The following CHCHD3 variants were observed in gnomAD, a reference collection of about 807,000 sequenced individuals.
The protein encoded by CHCHD3 is coiled-coil-helix-coiled-coil-helix domain containing 3, also known as MICOS complex subunit MIC19.
In CHCHD3, 20 loss-of-function variants were observed where a neutral mutation model predicts 38.2. The observed-to-expected ratio is 0.52, with a 90% CI of 0.37 to 0.76. The LOEUF is 0.76. Among genes scored for constraint, CHCHD3 ranks in the 30% least tolerant of loss-of-function variants. CHCHD3 has a pLI of 0.00. For synonymous variants in CHCHD3, 82 were observed against 100.0 expected (o/e 0.82, Z 1.07); for missense variants, 245 against 279.2 (o/e 0.88, Z 0.87).
chr7:132,815,475 C>T (rs750215421), intron 6 of CHCHD3: 1 of 443,954 alleles, frequency 2.3e-6, no homozygotes, highest in South Asian at 1.6e-5. Flanking sequence ...CTCTGATTAC[C>T]TTTTAGGTCC....
chr7:132,878,140 C>T (rs1808960779), intron 5 of CHCHD3, among the ~76,000 whole-genome samples: 2 of 152,132 alleles, frequency 1.3e-5, no homozygotes, highest in South Asian at 2.1e-4. Flanking sequence ...GCATTAATCC[C>T]TTGAAAAGGT....
intron 5 of CHCHD3, among the ~76,000 whole-genome samples, chr7:132,872,910 C>T (rs6956192): frequency 0.22 from 34,101 of 151,686 alleles, 4,004 homozygotes; most frequent in South Asian, 0.26. Context: ...CGACATCAGC[C>T]GGGCAGACAT....
chr7:132,904,955 G>A (rs1420600952), intron 4 of CHCHD3, among the ~76,000 whole-genome samples: 3 of 152,130 alleles, frequency 2.0e-5, no homozygotes, highest in East Asian at 1.9e-4. Flanking sequence ...CATGGATGAA[G>A]CTGGAAACCA....
intron 2 of CHCHD3, among the ~76,000 whole-genome samples, chr7:133,052,259 A>T (rs1158819829): frequency 6.6e-6 from 1 of 152,146 alleles, no homozygotes; most frequent in Admixed American, 6.5e-5. Context: ...CTCCCTGAAA[A>T]ATGACCCGAC....
intron 4 of CHCHD3, among the ~76,000 whole-genome samples, chr7:132,914,118 C>A (rs1810038048): frequency 1.6e-5 from 2 of 124,494 alleles, no homozygotes; most frequent in African/African-American, 6.9e-5. Context: ...CACCACCATG[C>A]CTGGCGTGTG....
At chr7:132,995,844 A>C (rs1185969453) in intron 3 of CHCHD3, among the ~76,000 whole-genome samples, 1 of 152,194 alleles carries the variant, frequency 6.6e-6, no homozygotes, top group Non-Finnish European at 1.5e-5. Context: ...ACTATGCATA[A>C]TATTCCACTA....
Position 132,798,399 on chromosome 7 carries a change from C to T in CHCHD3, c.525-1822G>A, listed in dbSNP as rs141136903. On this transcript the variant is annotated intron_variant, in intron 6 of 7. Coordinates refer to ENST00000262570, the MANE Select transcript of CHCHD3 (RefSeq NM_017812.4). The stretch of plus-strand genomic sequence containing the variant: ...CACAGATTTCCCTAATCCTTTACCA[C>T]GAACATCAGGATTTAAAAGGAATCA... 9.6e-4 allele frequency among the ~76,000 whole-genome samples: 146 copies of T among 152,180 alleles called. 2 individuals are homozygous for T. The highest frequency in any genetic ancestry group is 3.4e-3 in the Middle Eastern group (1 of 294).
At chr7:132,827,292 T>G (rs1807531308) in intron 6 of CHCHD3, among the ~76,000 whole-genome samples, 1 of 152,218 alleles carries the variant, frequency 6.6e-6, no homozygotes, top group Non-Finnish European at 1.5e-5. Flanking sequence ...GTTCTGGAAT[T>G]TGGAATATTT....
chr7:132,803,913 T>C (rs1234432214), intron 6 of CHCHD3, among the ~76,000 whole-genome samples: 1 of 149,554 alleles, frequency 6.7e-6, no homozygotes, highest in Non-Finnish European at 1.5e-5. Flanking sequence ...GGGAGAGAAA[T>C]GGGGAGTTCA....
intron 4 of CHCHD3, among the ~76,000 whole-genome samples, chr7:132,949,919 C>T (rs10282039): frequency 0.43 from 65,936 of 151,902 alleles, 14,593 homozygotes; most frequent in East Asian, 0.55. Context: ...AGCTCTGGCC[C>T]TTCCAATGGT....
At chr7:132,882,980 G>C (rs912825232) in intron 5 of CHCHD3, among the ~76,000 whole-genome samples, 2 of 152,104 alleles carry the variant, frequency 1.3e-5, no homozygotes, top group African/African-American at 4.8e-5. Flanking sequence ...GGCTGTTCTT[G>C]TGATAAGTGA....
intron 3 of CHCHD3, among the ~76,000 whole-genome samples, chr7:133,010,737 C>A (rs897459377): frequency 6.6e-6 from 1 of 152,044 alleles, no homozygotes; most frequent in Non-Finnish European, 1.5e-5. Flanking sequence ...TGCCACCATA[C>A]CTGGCTAATT....
rs1345481153 is a variant in CHCHD3 at position 132,974,130 on chromosome 7, T to C, written c.369+1039A>G. On this transcript the variant is annotated intron_variant, in intron 4 of 7. Transcript: ENST00000262570. ...CATTTCAGAAAAATGTTCAGTGACA[T>C]AGGAAAATGTTCATGAGGCTTAACA... is the stretch of plus-strand genomic sequence containing the variant. The C allele has an allele frequency of 6.2e-6, 5 of 811,478 alleles. No homozygotes were observed. In the East Asian group the frequency reaches 1.9e-4, roughly 32 times the overall value. The allele number at this position is 811,478 out of a possible 1,614,324, so 50.3% of individuals were successfully genotyped here. A position where few individuals can be genotyped will look rare whatever the true frequency, so the allele number is the denominator to read the frequency against.
At chr7:132,815,127 T>C (rs1419910176) in intron 6 of CHCHD3, among the ~76,000 whole-genome samples, 3 of 152,272 alleles carry the variant, frequency 2.0e-5, no homozygotes, top group East Asian at 1.9e-4. Context: ...AAATCAATTA[T>C]AATATTAATT....
rs1584619574 is a variant in CHCHD3 at position 132,984,101 on chromosome 7, C to T, written c.252-8815G>A. Among the ~76,000 whole-genome samples, 7 of 131,610 alleles carry T rather than the reference C, an allele frequency of 5.3e-5. No homozygotes were observed. In the Admixed American group the frequency reaches 5.7e-4, roughly 11 times the overall value. The allele number at this position is 131,610 out of a possible 152,430, so 86.3% of individuals were successfully genotyped here. A position where few individuals can be genotyped will look rare whatever the true frequency, so the allele number is the denominator to read the frequency against. ...CTCTCCCTCTCTTTCCACGGTCTCC[C>T]CCTGATGCCGAGCCAAAGCTGGACT... On this transcript the variant is annotated intron_variant, in intron 3 of 7. Transcript: ENST00000262570.
chr7:132,865,399 G>T (rs145980999), intron 5 of CHCHD3, among the ~76,000 whole-genome samples: 3 of 152,238 alleles, frequency 2.0e-5, no homozygotes, highest in African/African-American at 7.2e-5. Context: ...GTGGTGGTTG[G>T]GGGGAACACC....
chr7:132,950,995 A>T (rs1320233978), intron 4 of CHCHD3, among the ~76,000 whole-genome samples: 1 of 152,184 alleles, frequency 6.6e-6, no homozygotes, highest in African/African-American at 2.4e-5. Flanking sequence ...TTAACCATCT[A>T]TCATAAAGTA....
intron 3 of CHCHD3, among the ~76,000 whole-genome samples, chr7:132,990,276 T>TGCATCCTCCC (rs1285454121): frequency 1.3e-5 from 2 of 152,214 alleles, no homozygotes; most frequent in African/African-American, 2.4e-5. Context: ...CTCCTCCCCA[T>TGCATCCTCCC]GCATCCTCCC....
At chr7:132,852,628 T>C (rs1808245807) in intron 5 of CHCHD3, among the ~76,000 whole-genome samples, 1 of 152,202 alleles carries the variant, frequency 6.6e-6, no homozygotes, top group African/African-American at 2.4e-5. Context: ...ATCCAGTTAT[T>C]ACCCTTCAGC....
Sources: allele counts gnomAD v4.1 joint callset (sites outside exome capture counted in the v4.1 genomes callset), GRCh38; gene constraint gnomAD v4.1.1; transcripts MANE v1.5; gene names NCBI Gene and HGNC (gene_info 2026-07-23, HGNC 2026-07-21).